Variants in MAGI2 observed in about 807,000 individuals in gnomAD.
The protein encoded by MAGI2 is membrane associated guanylate kinase, WW and PDZ domain containing 2.
Under a neutral mutation model 133.3 loss-of-function variants are expected in MAGI2, and 35 were observed. The observed-to-expected ratio is 0.26, with a 90% CI of 0.20 to 0.35. The LOEUF (loss-of-function observed/expected upper bound fraction) is 0.35. Ranked by LOEUF, MAGI2 falls within the 10% of genes least tolerant of loss-of-function variation. MAGI2 has a pLI of 1.00. For synonymous variants in MAGI2, 729 were observed against 710.6 expected (o/e 1.03, Z -0.41); for missense variants, 1,636 against 1,863.4 (o/e 0.88, Z 2.25).
At chr7:78,259,548 ATTC>A (rs1793317064) in intron 9 of MAGI2, among the ~76,000 whole-genome samples, 1 of 152,190 alleles carries the variant, frequency 6.6e-6, no homozygotes, top group Non-Finnish European at 1.5e-5. Flanking sequence ...CCTTTGTTAT[ATTC>A]TTCTATAAAA....
chr7:79,057,010 T>G (rs749168956), intron 1 of MAGI2, among the ~76,000 whole-genome samples: 224 of 152,338 alleles, frequency 1.5e-3, no homozygotes, highest in Non-Finnish European at 1.3e-3. Context: ...GAAGTCCTCC[T>G]GTGGTGGGGT....
chr7:78,739,610 A>G (rs1192888217), intron 2 of MAGI2, among the ~76,000 whole-genome samples: 1 of 152,184 alleles, frequency 6.6e-6, no homozygotes, highest in African/African-American at 2.4e-5. Flanking sequence ...TTTATCTTTA[A>G]AATTCTTTAG....
At chr7:78,356,081 C>A (rs956303980) in intron 7 of MAGI2, among the ~76,000 whole-genome samples, 1 of 152,140 alleles carries the variant, frequency 6.6e-6, no homozygotes, top group African/African-American at 2.4e-5. Context: ...TCCCTTAGGG[C>A]AAGTCCTAAC....
At chr7:79,053,465 C>T (rs1295347282) in intron 1 of MAGI2, among the ~76,000 whole-genome samples, 1 of 152,146 alleles carries the variant, frequency 6.6e-6, no homozygotes, top group African/African-American at 2.4e-5. Flanking sequence ...TCCAGTACTA[C>T]ATTTCCACTG....
chr7:79,123,057 C>A (rs990715365), intron 1 of MAGI2, among the ~76,000 whole-genome samples: 4 of 152,152 alleles, frequency 2.6e-5, no homozygotes, highest in African/African-American at 9.7e-5. Flanking sequence ...AGGAAACAAC[C>A]ACCAACCAAA....
chr7:79,018,981 T>C (rs1298239404), intron 1 of MAGI2, among the ~76,000 whole-genome samples: 2 of 152,094 alleles, frequency 1.3e-5, no homozygotes, highest in Admixed American at 6.5e-5. Context: ...AGACAGATCA[T>C]TGAGGCAGAA....
At position 79,424,512 on chromosome 7, in the gene MAGI2, C is replaced by T. The variant is rs139484962; in HGVS notation, c.301+28508G>A. On this transcript the variant is annotated intron_variant, in intron 1 of 21. Coordinates refer to ENST00000354212, the MANE Select transcript of MAGI2 (RefSeq NM_012301.4). ...ACAGCATGGTGACTATAGGTATTGACAATATATTATATGATCAAAAAATGC... is the reference window on the plus strand; with the variant it reads ...ACAGCATGGTGACTATAGGTATTGATAATATATTATATGATCAAAAAATGC... Among the ~76,000 whole-genome samples, 412 of 152,036 alleles carry T rather than the reference C, an allele frequency of 2.7e-3. 2 individuals carry two copies. Among genetic ancestry groups the T allele is most frequent in the African/African-American group, 9.7e-3 (402 of 41,480 alleles).
rs75809752 is a variant in MAGI2, at chr7:79,432,393, T to A, written c.301+20627A>T. Among the ~76,000 whole-genome samples the A allele has an allele frequency of 1.6e-4, 24 of 152,270 alleles. No homozygotes were observed. In the East Asian group the frequency reaches 4.3e-3, roughly 27 times the overall value. On this transcript the variant is annotated intron_variant, in intron 1 of 21. Coordinates refer to ENST00000354212, the MANE Select transcript of MAGI2 (RefSeq NM_012301.4). ...CATGATGATACCCACAAGCAAAGTGTGAGAGAGTTCTTGTAGAATATGACA... is the reference window on the plus strand; with the variant it reads ...CATGATGATACCCACAAGCAAAGTGAGAGAGAGTTCTTGTAGAATATGACA...
At chr7:78,208,033 C>A (rs1207859975) in intron 10 of MAGI2, among the ~76,000 whole-genome samples, 1 of 151,534 alleles carries the variant, frequency 6.6e-6, no homozygotes, top group Non-Finnish European at 1.5e-5. Flanking sequence ...CCATGCCCGG[C>A]TAATTTTTGT....
At chr7:79,408,128 C>T (rs1447717665) in intron 1 of MAGI2, among the ~76,000 whole-genome samples, 1 of 152,012 alleles carries the variant, frequency 6.6e-6, no homozygotes, top group East Asian at 1.9e-4. Flanking sequence ...CTTGATTTTA[C>T]TACAGCTAAA....
intron 2 of MAGI2, among the ~76,000 whole-genome samples, chr7:78,891,554 G>A (rs1371313569): frequency 6.6e-6 from 1 of 152,062 alleles, no homozygotes; most frequent in African/African-American, 2.4e-5. Flanking sequence ...TTTATCCCTG[G>A]GATGCAAGAC....
At chr7:78,492,407 G>A (rs777047607) in intron 5 of MAGI2, among the ~76,000 whole-genome samples, 18 of 152,070 alleles carry the variant, frequency 1.2e-4, no homozygotes, top group Non-Finnish European at 2.4e-4. Context: ...ATCACATGAA[G>A]ATCCAGCACA....
intron 2 of MAGI2, among the ~76,000 whole-genome samples, chr7:78,803,017 T>C (rs752915902): frequency 9.9e-5 from 15 of 151,810 alleles, no homozygotes; most frequent in Admixed American, 2.6e-4. Context: ...AATATTTTGG[T>C]TTTGACTTTT....
At chr7:78,670,585 T>C (rs1032985818) in intron 2 of MAGI2, among the ~76,000 whole-genome samples, 1 of 152,122 alleles carries the variant, frequency 6.6e-6, no homozygotes, top group Non-Finnish European at 1.5e-5. Context: ...AAAGTTCATA[T>C]GGAACCAAAA....
chr7:79,383,769 T>G (rs547209850), intron 1 of MAGI2, among the ~76,000 whole-genome samples: 68 of 151,578 alleles, frequency 4.5e-4, no homozygotes, highest in Non-Finnish European at 4.9e-4. Flanking sequence ...TTTTGTCAGA[T>G]AGCAAAATAA....
At chr7:78,058,123 T>C (rs554878635) in intron 21 of MAGI2, among the ~76,000 whole-genome samples, 2 of 151,846 alleles carry the variant, frequency 1.3e-5, no homozygotes, top group South Asian at 2.1e-4. Flanking sequence ...TTGAAGGTAC[T>C]ATGCTAACAT....
At chr7:79,446,986 T>A (rs1159105462) in intron 1 of MAGI2, among the ~76,000 whole-genome samples, 1 of 152,078 alleles carries the variant, frequency 6.6e-6, no homozygotes, top group African/African-American at 2.4e-5. Flanking sequence ...AAAATAAAAG[T>A]ACATCAATGG....
chr7:79,289,359 A>T (rs1417966295), intron 1 of MAGI2, among the ~76,000 whole-genome samples: 1 of 152,206 alleles, frequency 6.6e-6, no homozygotes, highest in African/African-American at 2.4e-5. Flanking sequence ...AGCTTACAGA[A>T]GTATGACATT....
chr7:78,550,064 T>A (rs1030542730), intron 3 of MAGI2, among the ~76,000 whole-genome samples: 1 of 152,170 alleles, frequency 6.6e-6, no homozygotes, highest in Non-Finnish European at 1.5e-5. Flanking sequence ...CCATCATGTG[T>A]GGACACATAG....
Sources: gnomAD v4.1 joint callset for allele counts (sites outside exome capture counted in the v4.1 genomes callset) on GRCh38, gnomAD v4.1.1 for gene constraint, MANE v1.5 for transcripts, NCBI Gene and HGNC (gene_info 2026-07-23, HGNC 2026-07-21) for gene names.